Variants in MMRN1 observed in about 807,000 individuals in gnomAD.
MMRN1 encodes the protein multimerin-1.
MMRN1 carries 94 observed loss-of-function variants against 100.7 expected under a neutral mutation model. The observed-to-expected ratio is 0.93, with a 90% CI of 0.79 to 1.11. MMRN1 has a LOEUF of 1.11. Among genes scored for constraint, MMRN1 ranks in the 50% least tolerant of loss-of-function variants. The pLI is 0.00. For missense variants in MMRN1, 1,606 were observed against 1,439.1 expected (o/e 1.12, Z -1.88); for synonymous variants, 575 against 505.0 (o/e 1.14, Z -1.86).
rs1475130595 is a variant in MMRN1 at position 89,895,527 on chromosome 4, C to T, written c.556C>T (p.Arg186Trp). The part of the protein sequence containing the change: ...NRAPRETYLS[R>W]GDSSSSQRTD... ...AGCCCCACGGGAAACATACCTCAGCCGGGGTGACAGCAGTTCCAGCCAAAG... is the reference window on the plus strand; with the variant it reads ...AGCCCCACGGGAAACATACCTCAGCTGGGGTGACAGCAGTTCCAGCCAAAG... The change falls in exon 1 of 8, where the codon CGG becomes TGG. Residue 186 changes from arginine (R) to tryptophan (W), a missense_variant. Coordinates refer to ENST00000264790, the MANE Select transcript of MMRN1 (RefSeq NM_007351.3). 11 of 1,613,718 alleles carry T rather than the reference C, an allele frequency of 6.8e-6. No homozygotes were observed. The highest frequency in any genetic ancestry group is 1.7e-4 in the Middle Eastern group (1 of 6,058).
chr4:89,950,261 T>C lies in MMRN1; in HGVS notation c.3119-1344T>C, dbSNP rs72870762. 9.9e-3 allele frequency among the ~76,000 whole-genome samples: 1,503 copies of C among 152,170 alleles called. 31 individuals carry two copies. The highest frequency in any genetic ancestry group is 0.034 in the African/African-American group (1,402 of 41,498). On this transcript the variant is annotated intron_variant, in intron 6 of 7. Transcript: ENST00000264790. ...TCCTGCATCAGTGATCATTTAGGAG[T>C]CTTTAAATTTTTCAAGAATGCAAGT...
At chr4:89,933,261 T>A (rs1488355856) in intron 5 of MMRN1, among the ~76,000 whole-genome samples, 1 of 152,102 alleles carries the variant, frequency 6.6e-6, no homozygotes, top group African/African-American at 2.4e-5. Context: ...TCTGAGACCA[T>A]CTCAGCCTGG....
chr4:89,926,063 T>A (rs1470751627), intron 4 of MMRN1, among the ~76,000 whole-genome samples: 1 of 152,220 alleles, frequency 6.6e-6, no homozygotes, highest in African/African-American at 2.4e-5. Flanking sequence ...ATCTTGGCTA[T>A]TGTGAATAGT....
intron 3 of MMRN1, among the ~76,000 whole-genome samples, chr4:89,922,504 A>G (rs1483311759): frequency 6.6e-6 from 1 of 152,198 alleles, no homozygotes. Context: ...GGGAATTATT[A>G]CTTGCCATTT....
In MMRN1 at chr4:89,948,703, T is replaced by A. The variant is rs531131120; in HGVS notation, c.3119-2902T>A. Among the ~76,000 whole-genome samples, 7 of 152,310 alleles carry A rather than the reference T, an allele frequency of 4.6e-5. No homozygotes were observed. In the South Asian group the frequency reaches 1.2e-3, roughly 27 times the overall value. On this transcript the variant is annotated intron_variant, in intron 6 of 7. Coordinates refer to ENST00000264790, the MANE Select transcript of MMRN1 (RefSeq NM_007351.3). The stretch of plus-strand genomic sequence containing the variant: ...TGTCCAGTTCTGGGTGCCATGGACA[T>A]GATTTTATATTTTAAAATGTGATTA...
intron 6 of MMRN1, among the ~76,000 whole-genome samples, chr4:89,944,008 T>C (rs1364201657): frequency 6.6e-6 from 1 of 151,922 alleles, no homozygotes; most frequent in African/African-American, 2.4e-5. Context: ...TAGTGAAAGA[T>C]ATACCTATAG....
intron 4 of MMRN1, among the ~76,000 whole-genome samples, chr4:89,925,964 T>A (rs1417592317): frequency 6.6e-6 from 1 of 152,304 alleles, no homozygotes; most frequent in East Asian, 1.9e-4. Context: ...GTTGCTTTGT[T>A]TTTTATGGCT....
chr4:89,936,564 G>C lies in MMRN1; in HGVS notation c.2884G>C (p.Gly962Arg). ...SLPDIQLLQK[G>R]LTEFVEPIIQ... The stretch of plus-strand genomic sequence containing the variant: ...GCCAGATATTCAACTTCTTCAGAAA[G>C]GTCTAACAGAATTTGTGGAACCAAT... The change falls in exon 6 of 8, where the codon GGT (glycine) becomes CGT (arginine). Residue 962 changes from glycine (G) to arginine (R), a missense_variant. Coordinates refer to ENST00000264790, the MANE Select transcript of MMRN1 (RefSeq NM_007351.3). The C allele has an allele frequency of 3.1e-6, 5 of 1,612,266 alleles. No individual in the cohort carries two copies. The highest frequency in any genetic ancestry group is 4.2e-6 in the Non-Finnish European group (5 of 1,179,394).
At chr4:89,884,521 G>T (rs1224618762) in intron 1 of MMRN1, among the ~76,000 whole-genome samples, 1 of 152,042 alleles carries the variant, frequency 6.6e-6, no homozygotes, top group African/African-American at 2.4e-5. Flanking sequence ...ATTAATACAT[G>T]AATATTAATC....
At position 89,935,869 on chromosome 4, in the gene MMRN1, A is replaced by T. The variant is rs746243952; in HGVS notation, c.2189A>T (p.Lys730Met). ...YALEMEDGLN[K>M]TMTIINNAID... ...TTAGAAATGGAAGATGGCCTCAATA[A>T]GACAATGACTATTATAAATAATGCT... Residue 730 changes from lysine (K) to methionine (M), a missense_variant, in exon 6 of 8, where the codon AAG becomes ATG. Physicochemically the swap from Lys to Met is moderately conservative, Grantham distance 95. Coordinates refer to ENST00000264790, the MANE Select transcript of MMRN1 (RefSeq NM_007351.3). 4 of 1,611,454 alleles carry T rather than the reference A, an allele frequency of 2.5e-6. No individual in the cohort carries two copies. In the South Asian group the frequency reaches 4.4e-5, roughly 18 times the overall value.
Position 89,934,967 on chromosome 4 carries a change from AG to A in MMRN1, c.1288del (p.Val430LeufsTer8). Reference protein sequence around the residue: ...LESTRQIIQKVNESVVSIAAQ... With the variant: ...LESTRQIIQKXNESVVSIAAQ... ...AAAGCACCAGGCAAATAATTCAAAA[AG>A]TTAATGAATCTGTGGTTTCAATAGC... On this transcript the variant is annotated frameshift_variant, in exon 6 of 8. Coordinates refer to ENST00000264790, the MANE Select transcript of MMRN1 (RefSeq NM_007351.3). LOFTEE classifies it high-confidence loss of function. 6.2e-7 allele frequency: 1 copy of A among 1,613,722 alleles called. No homozygotes were observed. The highest frequency in any genetic ancestry group is 1.1e-5 in the South Asian group (1 of 91,054).
chr4:89,912,087 T>C, intron 3 of MMRN1, 37 bp downstream of exon 3: 1 of 1,373,840 alleles, frequency 7.3e-7, no homozygotes, highest in Non-Finnish European at 1.0e-6. Context: ...TTCTGAACAA[T>C]AAGAAACTGA....
At chr4:89,927,204 T>C (rs936824874) in intron 4 of MMRN1, among the ~76,000 whole-genome samples, 47 of 152,094 alleles carry the variant, frequency 3.1e-4, no homozygotes, top group Non-Finnish European at 5.7e-4. Flanking sequence ...AGGGATTGCA[T>C]TGAATCTGTA....
intron 6 of MMRN1, 92 bp from the exon 7 acceptor site, chr4:89,951,513 C>G (rs963777172): frequency 4.5e-6 from 6 of 1,322,680 alleles, no homozygotes; most frequent in Non-Finnish European, 5.9e-6. Flanking sequence ...AAAATTCAGT[C>G]TTTTTCCTAT....
chr4:89,935,529 T>C lies in MMRN1; in HGVS notation c.1849T>C (p.Leu617=). 1 of 1,613,186 alleles carries C rather than the reference T, an allele frequency of 6.2e-7. No individual in the cohort carries two copies. The highest frequency in any genetic ancestry group is 8.5e-7 in the Non-Finnish European group (1 of 1,179,668). Residue 617 remains leucine, a synonymous_variant, in exon 6 of 8, where the codon TTA becomes CTA. Coordinates refer to ENST00000264790, the MANE Select transcript of MMRN1 (RefSeq NM_007351.3). The part of the protein sequence containing the change: ...LKDTEENLHV[L]NQTLAEVLFP... Reference sequence around the variant, plus strand: ...GGACACAGAAGAGAATTTACATGTGTTAAATCAAACATTGGCTGAAGTTCT... The same window carrying C: ...GGACACAGAAGAGAATTTACATGTGCTAAATCAAACATTGGCTGAAGTTCT...
At chr4:89,902,357 GA>G (rs143698658) in intron 1 of MMRN1, among the ~76,000 whole-genome samples, 15,307 of 150,270 alleles carry the variant, frequency 0.1, 1,469 homozygotes, top group East Asian at 0.3. Context: ...TTATAGAAGA[GA>G]AAAAAAACAA....
chr4:89,902,516 A>T (rs1721425432), intron 1 of MMRN1, among the ~76,000 whole-genome samples: 1 of 151,924 alleles, frequency 6.6e-6, no homozygotes, highest in African/African-American at 2.4e-5. Flanking sequence ...CCAAACAGCA[A>T]ACTCTATGTA....
chr4:89,902,959 T>A (rs1721440410), intron 1 of MMRN1, among the ~76,000 whole-genome samples: 1 of 151,944 alleles, frequency 6.6e-6, no homozygotes, highest in African/African-American at 2.4e-5. Flanking sequence ...ACCACAAACA[T>A]AAATTATTTT....
At chr4:89,928,321 A>G (rs1342549362) in intron 5 of MMRN1, among the ~76,000 whole-genome samples, 1 of 152,174 alleles carries the variant, frequency 6.6e-6, no homozygotes, top group African/African-American at 2.4e-5. Context: ...CAAGATAGCT[A>G]GTTGCATGGT....
Sources: allele counts gnomAD v4.1 joint callset (sites outside exome capture counted in the v4.1 genomes callset), GRCh38; gene constraint gnomAD v4.1.1; transcripts MANE v1.5; gene names NCBI Gene and HGNC (gene_info 2026-07-23, HGNC 2026-07-21).